RRM2: variants seen among roughly 807,000 people sequenced by gnomAD.
The protein encoded by RRM2 is ribonucleotide reductase regulatory subunit M2.
In RRM2, 6 loss-of-function variants were observed where a neutral mutation model predicts 45.9. The ratio of observed to expected loss-of-function variants is 0.13; its 90% CI spans 0.07 to 0.26. RRM2 has a LOEUF of 0.26. Ranked by LOEUF, RRM2 falls within the 10% of genes least tolerant of loss-of-function variation. The pLI is 1.00. For synonymous variants in RRM2, 177 were observed against 173.0 expected (o/e 1.02, Z -0.18); for missense variants, 343 against 489.5 (o/e 0.70, Z 2.82).
rs1663794109 is a variant in RRM2, at chr2:10,171,046, A to T, written n.482+28671A>T. 6.6e-6 allele frequency among the ~76,000 whole-genome samples: 1 copy of T among 151,972 alleles called. No homozygotes were observed. The highest frequency in any genetic ancestry group is 2.4e-5 in the African/African-American group (1 of 41,360). On this transcript the variant is annotated intron_variant and non_coding_transcript_variant, in intron 3 of 3. Coordinates refer to the RRM2 transcript ENST00000381786. The surrounding 1 kb of genome is among the most constrained non-coding windows in gnomAD (Gnocchi z 4.1). ...CAGGGGAAACGTGGGCATCTAGATGACCCTCCACACTGAGCAGACCCAGCA... is the reference window on the plus strand; with the variant it reads ...CAGGGGAAACGTGGGCATCTAGATGTCCCTCCACACTGAGCAGACCCAGCA...
intron 3 of RRM2, among the ~76,000 whole-genome samples, chr2:10,173,920 G>T (rs374370462): frequency 6.6e-6 from 1 of 152,184 alleles, no homozygotes; most frequent in Non-Finnish European, 1.5e-5. Flanking sequence ...TGTGCTCCGT[G>T]GGGGGCGTGA....
chr2:10,182,346 A>AAAAC (rs1163998210), intron 3 of RRM2, among the ~76,000 whole-genome samples: 42 of 151,452 alleles, frequency 2.8e-4, no homozygotes, highest in African/African-American at 6.3e-4. Flanking sequence ...ACTCTGTCTC[A>AAAAC]AAACAAACAA....
At chr2:10,153,583 C>A (rs1436323745) in intron 3 of RRM2, among the ~76,000 whole-genome samples, 4 of 151,842 alleles carry the variant, frequency 2.6e-5, no homozygotes, top group Non-Finnish European at 5.9e-5. Context: ...TTTTTTTCTT[C>A]TCTAGGAAAA....
chr2:10,208,488 CAT>C (rs548861320), intron 3 of RRM2, among the ~76,000 whole-genome samples: 75 of 152,294 alleles, frequency 4.9e-4, no homozygotes, highest in African/African-American at 1.7e-3. Flanking sequence ...TTCCTATACA[CAT>C]GTTAAAAGCC....
downstream of RRM2, among the ~76,000 whole-genome samples, chr2:10,135,436 C>T (rs188082412): frequency 6.6e-6 from 1 of 152,132 alleles, no homozygotes; most frequent in African/African-American, 2.4e-5. Context: ...CCACTGGAGG[C>T]ATAGCACCAG....
intron 3 of RRM2, among the ~76,000 whole-genome samples, chr2:10,161,013 G>A (rs1223102459): frequency 6.6e-6 from 1 of 152,204 alleles, no homozygotes; most frequent in Non-Finnish European, 1.5e-5. Context: ...GCTGCAGAAA[G>A]CGTGGTCTGA....
intron 3 of RRM2, among the ~76,000 whole-genome samples, chr2:10,167,739 C>T (rs939041467): frequency 1.3e-5 from 2 of 152,322 alleles, no homozygotes; most frequent in East Asian, 3.9e-4. Flanking sequence ...CCACCCAGAA[C>T]TCTTCATGGC....
chr2:10,149,730 A>G (rs1355855874), intron 3 of RRM2, among the ~76,000 whole-genome samples: 1 of 152,172 alleles, frequency 6.6e-6, no homozygotes, highest in Non-Finnish European at 1.5e-5. Context: ...AGGGCTGCTC[A>G]TGTGCAGTCT....
chr2:10,191,681 G>T (rs1349041008), intron 3 of RRM2, among the ~76,000 whole-genome samples: 2 of 152,152 alleles, frequency 1.3e-5, no homozygotes, highest in East Asian at 3.9e-4. Flanking sequence ...CAGGGCTCAG[G>T]ACCCAGGGGC....
intron 3 of RRM2, among the ~76,000 whole-genome samples, chr2:10,207,937 AGTT>A (rs1238630957): frequency 7.3e-5 from 11 of 151,646 alleles, no homozygotes; most frequent in African/African-American, 2.4e-4. Flanking sequence ...AACATTCACC[AGTT>A]GTTGAATTTA....
intron 3 of RRM2, among the ~76,000 whole-genome samples, chr2:10,159,883 GGGAGGTGGCT>G (rs1663520095): frequency 6.6e-6 from 1 of 152,180 alleles, no homozygotes; most frequent in South Asian, 2.1e-4. Context: ...CTGCTGGTGA[GGGAGGTGGCT>G]GGAGGTGGGA....
intron 3 of RRM2, among the ~76,000 whole-genome samples, chr2:10,162,404 C>T (rs559147638): frequency 1.3e-4 from 20 of 152,158 alleles, no homozygotes; most frequent in African/African-American, 3.1e-4. Context: ...GAATCAGAGA[C>T]GGGGATGAGT....
chr2:10,160,937 G>A (rs566797228), intron 3 of RRM2, among the ~76,000 whole-genome samples: 8 of 152,210 alleles, frequency 5.3e-5, no homozygotes, highest in Middle Eastern at 3.4e-3. Context: ...GAGACCCCCA[G>A]CCCTGCCTCT....
intron 3 of RRM2, among the ~76,000 whole-genome samples, chr2:10,150,112 G>A (rs1663274760): frequency 6.6e-6 from 1 of 152,094 alleles, no homozygotes; most frequent in Non-Finnish European, 1.5e-5. Flanking sequence ...CCAGGAGTTC[G>A]AGAGCAGTCT....
intron 3 of RRM2, among the ~76,000 whole-genome samples, chr2:10,165,615 A>G (rs13403621): frequency 0.26 from 39,529 of 152,174 alleles, 5,818 homozygotes; most frequent in Non-Finnish European, 0.34. Context: ...CAAGCTCTGG[A>G]AGTGTAATGT....
In RRM2 at chr2:10,159,422, T is replaced by C. The variant is rs1033971203; in HGVS notation, n.482+17047T>C. Reference sequence around the variant, plus strand: ...AGCCTTTGCATAGTGTCCACTCCTGTATCTAATTCTCAGGAGACTGAGGTC... The same window carrying C: ...AGCCTTTGCATAGTGTCCACTCCTGCATCTAATTCTCAGGAGACTGAGGTC... On this transcript the variant is annotated intron_variant and non_coding_transcript_variant, in intron 3 of 3. Coordinates refer to the RRM2 transcript ENST00000381786. 2.6e-5 allele frequency among the ~76,000 whole-genome samples: 4 copies of C among 152,212 alleles called. 1 individual carries two copies. In the South Asian group the frequency reaches 6.2e-4, roughly 24 times the overall value.
intron 3 of RRM2, among the ~76,000 whole-genome samples, chr2:10,202,400 A>G (rs1483364088): frequency 2.0e-5 from 3 of 152,246 alleles, no homozygotes; most frequent in Non-Finnish European, 4.4e-5. Context: ...TGAAGAAGGA[A>G]GAAAGAAACA....
rs1036954020 is a variant in RRM2, at chr2:10,205,985, G to T, written n.483-4326G>T. The stretch of plus-strand genomic sequence containing the variant: ...TGGGATTACAGGCATGAGCCACTGC[G>T]CCTGGCCAAGAGGGTGTCTGGGAGG... On this transcript the variant is annotated intron_variant and non_coding_transcript_variant, in intron 3 of 3. Transcript: ENST00000381786. This position sits in a 1 kb window ranked among gnomAD's most constrained non-coding sequence, Gnocchi z 4.8. Among the ~76,000 whole-genome samples the T allele has an allele frequency of 6.6e-6, 1 of 152,098 alleles. No homozygotes were observed. Among genetic ancestry groups the T allele is most frequent in the African/African-American group, 2.4e-5 (1 of 41,434 alleles).
At position 10,129,475 on chromosome 2, in the gene RRM2, A is replaced by C; in HGVS notation, c.*89A>C. 1 of 1,312,852 alleles carries C rather than the reference A, an allele frequency of 7.6e-7. No homozygotes were observed. Among genetic ancestry groups the C allele is most frequent in the South Asian group, 1.4e-5 (1 of 71,986 alleles). 81.3% of individuals were successfully genotyped at this position (1,312,852 alleles called of 1,614,324 possible). On this transcript the variant is annotated 3_prime_UTR_variant, in exon 10 of 10. Transcript: ENST00000304567. The surrounding 1 kb of genome is among the most constrained non-coding windows in gnomAD (Gnocchi z 4.8). ...TGAAGTGTTACCAACTAGCCACACCATGAATTGTCCGTAATGTTCATTAAC... is the reference window on the plus strand; with the variant it reads ...TGAAGTGTTACCAACTAGCCACACCCTGAATTGTCCGTAATGTTCATTAAC...
Sources: gnomAD v4.1 joint callset for allele counts (sites outside exome capture counted in the v4.1 genomes callset) on GRCh38, gnomAD v4.1.1 for gene constraint, Gnocchi (gnomAD v3.1) non-coding constraint, MANE v1.5 for transcripts, NCBI Gene and HGNC (gene_info 2026-07-23, HGNC 2026-07-21) for gene names.